The following ZFAND3 variants were observed in gnomAD, a reference collection of about 807,000 sequenced individuals.
The protein encoded by ZFAND3 is zinc finger AN1-type containing 3, also known as AN1-type zinc finger protein 3.
A neutral mutation model predicts 29.6 loss-of-function variants in ZFAND3; 10 were observed. The ratio of observed to expected loss-of-function variants is 0.34; its 90% CI spans 0.21 to 0.57. The LOEUF (loss-of-function observed/expected upper bound fraction) is 0.57. ZFAND3 is among the 20% of genes least tolerant of loss of function. The pLI is 0.86. For synonymous variants in ZFAND3, 128 were observed against 112.6 expected (o/e 1.14, Z -0.87); for missense variants, 230 against 304.5 (o/e 0.76, Z 1.82).
chr6:37,824,194 G>A (rs1309250394), intron 1 of ZFAND3, among the ~76,000 whole-genome samples: 1 of 152,082 alleles, frequency 6.6e-6, no homozygotes, highest in Non-Finnish European at 1.5e-5. Flanking sequence ...TAGTACTCAG[G>A]CAAAAAACGT....
At chr6:37,994,910 C>T (rs985507441) in intron 2 of ZFAND3, among the ~76,000 whole-genome samples, 21 of 152,062 alleles carry the variant, frequency 1.4e-4, no homozygotes, top group African/African-American at 4.1e-4. Flanking sequence ...GTTTCTTATC[C>T]GGGGTGGGGG....
chr6:38,074,139 C>T (rs1424333174), intron 3 of ZFAND3, among the ~76,000 whole-genome samples: 1 of 152,126 alleles, frequency 6.6e-6, no homozygotes, highest in African/African-American at 2.4e-5. Context: ...ATAGAAGTCC[C>T]CAAGTCCCTC....
At chr6:38,010,276 C>G (rs548484360) in intron 2 of ZFAND3, among the ~76,000 whole-genome samples, 2 of 151,846 alleles carry the variant, frequency 1.3e-5, no homozygotes, top group African/African-American at 4.8e-5. Context: ...GAAGAGTACG[C>G]AGAAAAAAAA....
At chr6:37,985,523 A>G (rs1321888116) in intron 2 of ZFAND3, among the ~76,000 whole-genome samples, 1 of 148,050 alleles carries the variant, frequency 6.8e-6, no homozygotes, top group Non-Finnish European at 1.5e-5. Context: ...ACACACACAC[A>G]CACACCCCCA....
chr6:38,101,242 C>CT (rs1291770227), intron 4 of ZFAND3, among the ~76,000 whole-genome samples: 1 of 152,260 alleles, frequency 6.6e-6, no homozygotes, highest in African/African-American at 2.4e-5. Context: ...AAATGGAGTT[C>CT]TCTTTTTTTA....
chr6:37,963,429 T>TA (rs1361941110), intron 2 of ZFAND3, among the ~76,000 whole-genome samples: 2 of 151,972 alleles, frequency 1.3e-5, no homozygotes, highest in East Asian at 3.9e-4. Flanking sequence ...GCATCTTAAC[T>TA]AAAAAAGCAA....
At position 38,033,269 on chromosome 6, in the gene ZFAND3, G is replaced by A. The variant is rs769637200; in HGVS notation, c.113-28324G>A. 4.0e-4 allele frequency among the ~76,000 whole-genome samples: 61 copies of A among 152,114 alleles called. 1 individual carries two copies. Among genetic ancestry groups the A allele is most frequent in the Non-Finnish European group, 6.9e-4 (47 of 68,018 alleles). On this transcript the variant is annotated intron_variant, in intron 2 of 5. Coordinates refer to ENST00000287218, the MANE Select transcript of ZFAND3 (RefSeq NM_021943.3). ...TATAGACTCTCATCTATAATGAGAA[G>A]GGATGTTGTATTCAGGAATAGGCTG...
intron 1 of ZFAND3, among the ~76,000 whole-genome samples, chr6:37,913,647 C>A (rs1423499385): frequency 6.6e-6 from 1 of 151,414 alleles, no homozygotes; most frequent in African/African-American, 2.4e-5. Flanking sequence ...CTAGAATGGT[C>A]AGTCCTTCCC....
intron 1 of ZFAND3, among the ~76,000 whole-genome samples, chr6:37,833,878 A>C (rs988957032): frequency 6.6e-6 from 1 of 151,976 alleles, no homozygotes; most frequent in African/African-American, 2.4e-5. Context: ...TCAGGTTTAC[A>C]ACAAAATTTA....
chr6:38,060,718 T>C (rs1309069566), intron 2 of ZFAND3, among the ~76,000 whole-genome samples: 2 of 152,218 alleles, frequency 1.3e-5, no homozygotes, highest in African/African-American at 4.8e-5. Flanking sequence ...TCAAAAATGC[T>C]AAGATTATAG....
chr6:37,956,171 CAAAAT>C (rs947859290), intron 2 of ZFAND3, among the ~76,000 whole-genome samples: 72 of 152,206 alleles, frequency 4.7e-4, no homozygotes, highest in African/African-American at 1.6e-3. Flanking sequence ...GTTTGAAAAA[CAAAAT>C]AATAGAGTTG....
chr6:37,849,348 T>G (rs1005407946), intron 1 of ZFAND3, among the ~76,000 whole-genome samples: 2 of 152,186 alleles, frequency 1.3e-5, no homozygotes, highest in African/African-American at 2.4e-5. Context: ...ACACCTGTCT[T>G]CCCCAGATGA....
At chr6:38,067,595 A>G (rs1359115189) in intron 3 of ZFAND3, among the ~76,000 whole-genome samples, 1 of 152,212 alleles carries the variant, frequency 6.6e-6, no homozygotes, top group African/African-American at 2.4e-5. Flanking sequence ...GCTACTGCCT[A>G]TTTACTGTTC....
intron 4 of ZFAND3, among the ~76,000 whole-genome samples, chr6:38,093,207 G>T (rs539378320): frequency 4.6e-5 from 7 of 152,318 alleles, no homozygotes; most frequent in Admixed American, 1.3e-4. Flanking sequence ...TCTGTGGGTA[G>T]TGGCCAGTGG....
chr6:38,144,279 G>A (rs889312966), intron 5 of ZFAND3, among the ~76,000 whole-genome samples: 33 of 146,638 alleles, frequency 2.3e-4, no homozygotes, highest in African/African-American at 6.7e-4. Context: ...GATGGGTCGG[G>A]GATATTTGTC....
chr6:38,105,407 A>C (rs1302998888), intron 4 of ZFAND3, among the ~76,000 whole-genome samples: 1 of 152,026 alleles, frequency 6.6e-6, no homozygotes, highest in Non-Finnish European at 1.5e-5. Flanking sequence ...CCAGTCTATT[A>C]AAAAAAATTT....
chr6:38,028,384 T>C (rs1372268987), intron 2 of ZFAND3, among the ~76,000 whole-genome samples: 1 of 152,230 alleles, frequency 6.6e-6, no homozygotes. Context: ...CCAAATTTTC[T>C]GTGTTGTATT....
intron 1 of ZFAND3, among the ~76,000 whole-genome samples, chr6:37,838,227 G>A (rs1204095137): frequency 6.6e-6 from 1 of 152,158 alleles, no homozygotes; most frequent in Non-Finnish European, 1.5e-5. Context: ...GAATGAAAGT[G>A]TTCATAACAT....
chr6:37,956,937 A>G (rs1762094381), intron 2 of ZFAND3, among the ~76,000 whole-genome samples: 1 of 152,166 alleles, frequency 6.6e-6, no homozygotes, highest in African/African-American at 2.4e-5. Context: ...TGGACTGATA[A>G]TTGTCCAGTT....
Sources: allele counts gnomAD v4.1 joint callset (sites outside exome capture counted in the v4.1 genomes callset), GRCh38; gene constraint gnomAD v4.1.1; transcripts MANE v1.5; gene names NCBI Gene and HGNC (gene_info 2026-07-23, HGNC 2026-07-21).